GPHN: variants seen among roughly 807,000 people sequenced by gnomAD.
GPHN encodes gephyrin.
Under a neutral mutation model 95.5 loss-of-function variants are expected in GPHN, and 17 were observed. The ratio of observed to expected loss-of-function variants is 0.18; its 90% confidence interval spans 0.12 to 0.27. GPHN has a LOEUF of 0.27. Among genes scored for constraint, GPHN ranks in the 10% least tolerant of loss-of-function variants. The pLI is 1.00. For missense variants in GPHN, 660 were observed against 978.1 expected (o/e 0.67, Z 4.34); for synonymous variants, 320 against 322.5 (o/e 0.99, Z 0.08).
intron 9 of GPHN, among the ~76,000 whole-genome samples, chr14:67,020,186 C>G (rs1477036687): frequency 6.6e-6 from 1 of 152,072 alleles, no homozygotes; most frequent in Non-Finnish European, 1.5e-5. Flanking sequence ...TGTTTACACC[C>G]TCAATTGTTC....
At chr14:67,632,703 T>C in the GPHN span, among the ~76,000 whole-genome samples, 1 of 151,736 alleles carries the variant, frequency 6.6e-6, no homozygotes, top group Non-Finnish European at 1.5e-5. Flanking sequence ...TATTTAGTCA[T>C]TATGAAGATT....
At chr14:67,583,120 A>C in the GPHN span, among the ~76,000 whole-genome samples, 2 of 152,200 alleles carry the variant, frequency 1.3e-5, no homozygotes, top group African/African-American at 2.4e-5. Flanking sequence ...AAAAATTAAA[A>C]ATTTTTAAAA....
the GPHN span, among the ~76,000 whole-genome samples, chr14:67,189,159 T>A: frequency 6.6e-6 from 1 of 152,302 alleles, no homozygotes; most frequent in Non-Finnish European, 1.5e-5. Flanking sequence ...AAGTCTGATA[T>A]TTTTCCCGTG....
At chr14:67,291,418 A>T in the GPHN span, among the ~76,000 whole-genome samples, 2 of 151,988 alleles carry the variant, frequency 1.3e-5, no homozygotes, top group African/African-American at 4.8e-5. Flanking sequence ...CGAAGTAGCT[A>T]GGATTACAGG....
At chr14:67,604,455 G>A in the GPHN span, among the ~76,000 whole-genome samples, 1 of 152,142 alleles carries the variant, frequency 6.6e-6, no homozygotes, top group Non-Finnish European at 1.5e-5. Context: ...AGCACTTTGA[G>A]AGGCTGAGCC....
chr14:67,196,373 T>C, the GPHN span, among the ~76,000 whole-genome samples: 97 of 152,148 alleles, frequency 6.4e-4, no homozygotes, highest in African/African-American at 2.2e-3. Flanking sequence ...CCTGTCACCA[T>C]GCCAGGCTAA....
the GPHN span, among the ~76,000 whole-genome samples, chr14:67,273,665 A>G: frequency 6.6e-6 from 1 of 152,184 alleles, no homozygotes; most frequent in Non-Finnish European, 1.5e-5. Flanking sequence ...GTCAAATGGT[A>G]TTTCTAGTTC....
the GPHN span, among the ~76,000 whole-genome samples, chr14:67,235,295 T>C: frequency 3.3e-5 from 5 of 152,276 alleles, no homozygotes; most frequent in Non-Finnish European, 5.9e-5. Flanking sequence ...GGAAAAGATA[T>C]AGGTAATTTT....
chr14:67,645,863 T>C, the GPHN span: 1 of 1,574,626 alleles, frequency 6.4e-7, no homozygotes, highest in Non-Finnish European at 8.6e-7. Flanking sequence ...GGAGTTGGTC[T>C]AGTTCAGTTA....
Position 66,945,751 on chromosome 14 carries a change from G to A in GPHN, c.829-19440G>A, listed in dbSNP as rs76649001. 3.0e-3 allele frequency among the ~76,000 whole-genome samples: 456 copies of A among 152,272 alleles called. 3 individuals carry two copies. Among genetic ancestry groups the A allele is most frequent in the African/African-American group, 0.011 (438 of 41,556 alleles). ...TTAAAAAGGTAAAAGAAAGCAGTGTGGACAGGGAGAGCATTAACAGTTCTC... is the reference window on the plus strand; with the variant it reads ...TTAAAAAGGTAAAAGAAAGCAGTGTAGACAGGGAGAGCATTAACAGTTCTC... On this transcript the variant is annotated intron_variant, in intron 8 of 22. Transcript: ENST00000478722.
intron 17 of GPHN, among the ~76,000 whole-genome samples, chr14:67,125,943 ACAAT>A (rs2079286690): frequency 1.3e-5 from 2 of 152,256 alleles, no homozygotes; most frequent in East Asian, 1.9e-4. Flanking sequence ...CATAATTTTG[ACAAT>A]CAAAGTAAAA....
chr14:67,319,907 T>C, the GPHN span, among the ~76,000 whole-genome samples: 1 of 152,260 alleles, frequency 6.6e-6, no homozygotes, highest in Non-Finnish European at 1.5e-5. Flanking sequence ...AAATGACGGA[T>C]ATTACTCTTA....
At chr14:67,276,868 G>T in the GPHN span, among the ~76,000 whole-genome samples, 3 of 152,164 alleles carry the variant, frequency 2.0e-5, no homozygotes, top group Non-Finnish European at 4.4e-5. Flanking sequence ...TTCCCTCATA[G>T]TGTAGTGAAT....
the GPHN span, chr14:67,725,039 C>T: frequency 4.4e-6 from 7 of 1,588,122 alleles, no homozygotes; most frequent in Non-Finnish European, 5.2e-6. Flanking sequence ...AGCTCACTTA[C>T]TATACCTCCT....
At chr14:67,167,455 A>C (rs2082345640) in intron 20 of GPHN, among the ~76,000 whole-genome samples, 3 of 152,170 alleles carry the variant, frequency 2.0e-5, no homozygotes, top group Admixed American at 1.3e-4. Context: ...TCTTTTTAAG[A>C]GTCTGCTATT....
the GPHN span, chr14:67,586,580 CTT>C: frequency 6.0e-6 from 3 of 498,724 alleles, no homozygotes; most frequent in Admixed American, 7.7e-5. Context: ...GCTTTAGTGA[CTT>C]TGTTCCTACT....
the GPHN span, among the ~76,000 whole-genome samples, chr14:67,251,901 G>A: frequency 6.6e-6 from 1 of 152,202 alleles, no homozygotes; most frequent in Admixed American, 6.5e-5. Flanking sequence ...GCAAAGAGGG[G>A]CTAGAGATAG....
intron 3 of GPHN, among the ~76,000 whole-genome samples, chr14:66,793,486 C>T (rs112899204): frequency 0.011 from 1,676 of 152,124 alleles, 26 homozygotes; most frequent in African/African-American, 0.037. Flanking sequence ...CTTGTCCTTT[C>T]GGTTTCTTTA....
At position 66,776,533 on chromosome 14, in the gene GPHN, C is replaced by A; in HGVS notation, c.201+12C>A. 2 of 1,462,160 alleles carry A rather than the reference C, an allele frequency of 1.4e-6. No homozygotes were observed. The highest frequency in any genetic ancestry group is 1.9e-6 in the Non-Finnish European group (2 of 1,042,474). 90.6% of individuals were successfully genotyped at this position (1,462,160 alleles called of 1,614,324 possible). On this transcript the variant is annotated intron_variant, in intron 3 of 22. Coordinates refer to ENST00000478722, the MANE Select transcript of GPHN (RefSeq NM_020806.5). ...TAGAAGAAATCAAGGTATAGTATGG[C>A]ATTTTTCACCTCTACAAACATTTAG...
Sources: allele counts gnomAD v4.1 joint callset (sites outside exome capture counted in the v4.1 genomes callset), GRCh38; gene constraint gnomAD v4.1.1; transcripts MANE v1.5; gene names NCBI Gene and HGNC (gene_info 2026-07-23, HGNC 2026-07-21).